The following BACE1 variants were observed in gnomAD, a reference collection of about 807,000 sequenced individuals.
BACE1 encodes APP beta-secretase.
A neutral mutation model predicts 54.0 loss-of-function variants in BACE1; 21 were observed. The observed-to-expected ratio is 0.39, with a 90% CI of 0.28 to 0.56. The LOEUF (loss-of-function observed/expected upper bound fraction) is 0.56, where lower values mean the gene tolerates loss of function less well. Ranked by LOEUF, BACE1 falls within the 20% of genes least tolerant of loss-of-function variation. The probability of loss-of-function intolerance (pLI) is 0.63; values close to 1 mark genes in which losing one functional copy is unlikely to be tolerated. For missense variants in BACE1, 511 were observed against 661.2 expected (o/e 0.77, Z 2.49); for synonymous variants, 232 against 260.9 (o/e 0.89, Z 1.07).
chr11:117,305,150 G>A (rs2034803302), intron 1 of BACE1, among the ~76,000 whole-genome samples: 1 of 151,970 alleles, frequency 6.6e-6, no homozygotes, highest in Non-Finnish European at 1.5e-5. Flanking sequence ...TCCACCCAGG[G>A]TCCTGTGGTT....
rs962584926 is a variant in BACE1 at position 117,287,491 on chromosome 11, C to T, written c.*2075G>A. 2.6e-5 allele frequency: 4 copies of T among 152,354 alleles called. No homozygotes were observed. Among genetic ancestry groups the T allele is most frequent in the African/African-American group, 9.7e-5 (4 of 41,342 alleles). 9.4% of individuals were successfully genotyped at this position (152,354 alleles called of 1,614,324 possible). On this transcript the variant is annotated 3_prime_UTR_variant, in exon 9 of 9. Transcript: ENST00000313005. ...TAATTTTGGGGCAGGAAGGAAGTAA[C>T]TGTAAAAAGAAAAACAAGTGCAAGT...
chr11:117,288,871 C>G lies in BACE1; in HGVS notation c.*695G>C, dbSNP rs551939234. The G allele has an allele frequency of 6.6e-6, 1 of 152,344 alleles. No individual in the cohort carries two copies. The highest frequency in any genetic ancestry group is 6.5e-5 in the Admixed American group (1 of 15,294). 9.4% of individuals were successfully genotyped at this position (152,344 alleles called of 1,614,324 possible). A position where few individuals can be genotyped will look rare whatever the true frequency, so the allele number is the denominator to read the frequency against. On this transcript the variant is annotated 3_prime_UTR_variant, in exon 9 of 9. Coordinates refer to ENST00000313005, the MANE Select transcript of BACE1 (RefSeq NM_012104.6). ...AACACCCATCTTCTGAGATGGGATG[C>G]TATCTTGGAGATGAGGTCTAAAACT...
In BACE1 at chr11:117,316,200, A is replaced by G. The variant is rs925254132; in HGVS notation, c.-405T>C. On this transcript the variant is annotated 5_prime_UTR_variant, in exon 1 of 9. An upstream start codon of the reference 5' UTR is lost. Transcript: ENST00000313005. ...GGCTGCGTTGGCTGCTCAGGCCACC[A>G]TAATCCAGCTCGCGGCTCGCAGCTC... The G allele has an allele frequency of 4.1e-5, 18 of 435,172 alleles. No individual in the cohort carries two copies. The highest frequency in any genetic ancestry group is 6.1e-5 in the Non-Finnish European group (15 of 244,362). The allele number at this position is 435,172 out of a possible 1,614,324, so 27.0% of individuals were successfully genotyped here. A position where few individuals can be genotyped will look rare whatever the true frequency, so the allele number is the denominator to read the frequency against.
chr11:117,301,285 C>T (rs952706536), intron 1 of BACE1, among the ~76,000 whole-genome samples: 17 of 152,208 alleles, frequency 1.1e-4, no homozygotes, highest in African/African-American at 4.1e-4. Context: ...CGCACGCACC[C>T]AAGTGCCTCA....
chr11:117,295,732 T>C, intron 2 of BACE1: 1 of 1,371,426 alleles, frequency 7.3e-7, no homozygotes, highest in African/African-American at 1.5e-5. Context: ...ATTGACTCTC[T>C]TACTGCCTTG....
At position 117,315,509 on chromosome 11, in the gene BACE1, G is replaced by C. The variant is rs370598425; in HGVS notation, c.261+26C>G. 8.3e-6 allele frequency: 13 copies of C among 1,568,614 alleles called. No homozygotes were observed. The highest frequency in any genetic ancestry group is 1.9e-5 in the Admixed American group (1 of 52,186). ...TCCCCTCTGCTCATGCAGGCGGAGG[G>C]CTAAGGGCTGGCCTGACCACCTTAC... On this transcript the variant is annotated intron_variant, in intron 1 of 8. Coordinates refer to ENST00000313005, the MANE Select transcript of BACE1 (RefSeq NM_012104.6). The surrounding 1 kb of genome is among the most constrained non-coding windows in gnomAD (Gnocchi z 5.5).
Position 117,289,769 on chromosome 11 carries a change from A to G in BACE1, c.1303T>C (p.Phe435Leu). ...EFRTAAVEGP[F>L]VTLDMEDCGY... ...CAGTCTTCCATGTCCAAGGTGACAA[A>G]AGGGCCTTCCACCGCTGCCGTCCTG... Residue 435 changes from phenylalanine to leucine, a missense_variant, in exon 9 of 9, where the codon TTT becomes CTT. Physicochemically the swap from Phe to Leu is conservative, Grantham distance 22. Around this residue, in one of 2 missense-constraint regions of BACE1, gnomAD observed 407 missense variants for 565.7 expected, o/e 0.72. Coordinates refer to ENST00000313005, the MANE Select transcript of BACE1 (RefSeq NM_012104.6). 1 of 1,614,198 alleles carries G rather than the reference A, an allele frequency of 6.2e-7. No individual in the cohort carries two copies. Among genetic ancestry groups the G allele is most frequent in the Non-Finnish European group, 8.5e-7 (1 of 1,180,030 alleles).
intron 2 of BACE1, chr11:117,295,638 CCTG>C (rs142572406): frequency 8.1e-4 from 1,212 of 1,500,052 alleles, no homozygotes; most frequent in South Asian, 2.0e-3. Context: ...GTGCATTGTG[CCTG>C]CTGCTGCTGC....
At chr11:117,302,576 A>C (rs1033371582) in intron 1 of BACE1, among the ~76,000 whole-genome samples, 28 of 151,874 alleles carry the variant, frequency 1.8e-4, no homozygotes, top group African/African-American at 6.5e-4. Flanking sequence ...AGACCAGGTT[A>C]TATTTTCTTA....
chr11:117,311,203 G>C (rs497902), intron 1 of BACE1, among the ~76,000 whole-genome samples: 121,236 of 151,878 alleles, frequency 0.8, 49,167 homozygotes, highest in African/African-American at 0.93. Flanking sequence ...ATCAGCTGGG[G>C]CTGGTGGCAT....
chr11:117,311,258 AC>A (rs2034937734), intron 1 of BACE1, among the ~76,000 whole-genome samples: 1 of 152,130 alleles, frequency 6.6e-6, no homozygotes, highest in Non-Finnish European at 1.5e-5. Flanking sequence ...CAGGAGGATC[AC>A]TTGAGCCCAG....
chr11:117,307,350 C>T (rs377666739), intron 1 of BACE1, among the ~76,000 whole-genome samples: 10 of 152,118 alleles, frequency 6.6e-5, no homozygotes, highest in African/African-American at 2.2e-4. Flanking sequence ...TTCCCCCTGT[C>T]GCCCAGGCTG....
At chr11:117,313,967 A>G (rs1230137224) in intron 1 of BACE1, among the ~76,000 whole-genome samples, 3 of 152,314 alleles carry the variant, frequency 2.0e-5, no homozygotes, top group East Asian at 3.9e-4. Context: ...AAGATATGAC[A>G]GTAGTTTCAG....
At chr11:117,290,456 T>A in intron 8 of BACE1, 32 bp downstream of exon 8, 1 of 1,607,118 alleles carries the variant, frequency 6.2e-7, no homozygotes. Context: ...ATGGAGAGAC[T>A]GACCCCAAAC....
intron 1 of BACE1, chr11:117,314,673 A>C (rs2035037916): frequency 6.6e-6 from 1 of 152,598 alleles, no homozygotes; most frequent in Non-Finnish European, 1.5e-5. Context: ...CCCCACATGG[A>C]GGGCTGCTCA....
chr11:117,307,668 G>A (rs572142135), intron 1 of BACE1, among the ~76,000 whole-genome samples: 1 of 152,314 alleles, frequency 6.6e-6, no homozygotes, highest in South Asian at 2.1e-4. Flanking sequence ...AGAGGCCCAA[G>A]AAGGGTTCCT....
rs1377557769 is a variant in BACE1 at position 117,315,796 on chromosome 11, G to A, written c.-1C>T. 1.8e-5 allele frequency: 25 copies of A among 1,408,996 alleles called. No homozygotes were observed. Among genetic ancestry groups the A allele is most frequent in the Non-Finnish European group, 2.3e-5 (25 of 1,090,578 alleles). 87.3% of individuals were successfully genotyped at this position (1,408,996 alleles called of 1,614,324 possible). On this transcript the variant is annotated 5_prime_UTR_variant, in exon 1 of 9. Transcript: ENST00000313005. The surrounding 1 kb of genome is among the most constrained non-coding windows in gnomAD (Gnocchi z 5.5). ...GGAGCCAGGGCAGGGCTTGGGCCAT[G>A]GTGGGCCCCGGCCTTCGGGCCCTCT...
At chr11:117,303,174 C>T (rs1361326945) in intron 1 of BACE1, among the ~76,000 whole-genome samples, 1 of 152,124 alleles carries the variant, frequency 6.6e-6, no homozygotes, top group Non-Finnish European at 1.5e-5. Flanking sequence ...ACCTGCCTTC[C>T]TCTCACCTGG....
At chr11:117,292,563 T>G (rs1229151102) in intron 5 of BACE1, among the ~76,000 whole-genome samples, 1 of 152,180 alleles carries the variant, frequency 6.6e-6, no homozygotes, top group East Asian at 1.9e-4. Context: ...TTTAGTTACC[T>G]TTTATTGAGT....
Sources: allele counts gnomAD v4.1 joint callset (sites outside exome capture counted in the v4.1 genomes callset), GRCh38; gene constraint gnomAD v4.1.1; regional missense constraint gnomAD v4.1.1; non-coding constraint Gnocchi (gnomAD v3.1); transcripts MANE v1.5; gene names NCBI Gene and HGNC (gene_info 2026-07-23, HGNC 2026-07-21).